Variants in FAM83D observed in about 807,000 individuals in gnomAD.
FAM83D encodes the protein protein FAM83D.
In FAM83D, 26 loss-of-function variants were observed where a neutral mutation model predicts 25.4. The observed-to-expected ratio is 1.02, with a 90% CI of 0.75 to 1.42. The LOEUF is 1.42. Ranked by LOEUF, FAM83D falls within the 40% of genes most tolerant of loss-of-function variation. The probability of loss-of-function intolerance (pLI) is 0.00; values close to 1 mark genes in which losing one functional copy is unlikely to be tolerated. For synonymous variants in FAM83D, 310 were observed against 318.5 expected, an observed-to-expected ratio of 0.97 and a Z score of 0.28; for missense variants, 740 against 758.1, an observed-to-expected ratio of 0.98 and a Z score of 0.28.
chr20:38,939,336 TTTTTG>T (rs149322014), intron 1 of FAM83D, among the ~76,000 whole-genome samples: 20,221 of 151,580 alleles, frequency 0.13, 1,401 homozygotes, highest in Middle Eastern at 0.18. Flanking sequence ...AGACACCTTG[TTTTTG>T]TTTTGTTTTG....
chr20:38,946,250 A>G (rs1176075790), intron 2 of FAM83D, among the ~76,000 whole-genome samples: 1 of 147,630 alleles, frequency 6.8e-6, no homozygotes, highest in Admixed American at 6.8e-5. Context: ...GGTTTGTCTG[A>G]TGTTTTATCA....
chr20:38,945,757 C>A (rs1427051013), intron 2 of FAM83D, among the ~76,000 whole-genome samples: 104 of 139,272 alleles, frequency 7.5e-4, no homozygotes, highest in Admixed American at 2.0e-3. Flanking sequence ...ACCACCCCAC[C>A]CCCCGTTTTT....
intron 1 of FAM83D, among the ~76,000 whole-genome samples, chr20:38,931,423 A>G (rs2085658525): frequency 6.6e-6 from 1 of 152,206 alleles, no homozygotes; most frequent in South Asian, 2.1e-4. Context: ...ATAGAGCCAG[A>G]TAGATGTTTC....
rs2085758488 is a variant in FAM83D at position 38,952,149 on chromosome 20, C to T, written c.1387C>T (p.Pro463Ser). 2 of 1,614,172 alleles carry T rather than the reference C, an allele frequency of 1.2e-6. No homozygotes were observed. Among genetic ancestry groups the T allele is most frequent in the East Asian group, 4.5e-5 (2 of 44,878 alleles). ...PRGTQSTEGS[P>S]VSKMSVSRSS... ...AGGAACTCAATCTACAGAAGGGTCA[C>T]CAGTCTCAAAAATGTCTGTATCGAG... The change falls in exon 4 of 4, where the codon CCA becomes TCA. Residue 463 changes from proline (P) to serine (S), a missense_variant. Around this residue, in one of 3 missense-constraint regions of FAM83D, gnomAD observed 375 missense variants for 403.2 expected, o/e 0.93. Transcript: ENST00000619850.
chr20:38,928,515 G>T (rs1023602558), intron 1 of FAM83D, among the ~76,000 whole-genome samples: 1 of 152,186 alleles, frequency 6.6e-6, no homozygotes, highest in Non-Finnish European at 1.5e-5. Flanking sequence ...AGGCAGACTT[G>T]TGTAGGTATG....
In FAM83D at chr20:38,947,886, T is replaced by G; in HGVS notation, c.662T>G (p.Val221Gly). The change falls in exon 3 of 4, where the codon GTT becomes GGT. Residue 221 changes from valine (V) to glycine (G), a missense_variant. By Grantham distance (109) the Val-to-Gly change is moderately radical. Transcript: ENST00000619850. Reference sequence around the variant, plus strand: ...ACTCCCTGCCAACAGTTAATGACAGTTCGGACTATCACAGGAAATATCTAC... The same window carrying G: ...ACTCCCTGCCAACAGTTAATGACAGGTCGGACTATCACAGGAAATATCTAC... ...VHPEQEKLMT[V>G]RTITGNIYYA... is the part of the protein sequence containing the mutation. 4 of 1,614,132 alleles carry G rather than the reference T, an allele frequency of 2.5e-6. No homozygotes were observed. Among genetic ancestry groups the G allele is most frequent in the Non-Finnish European group, 3.4e-6 (4 of 1,179,992 alleles).
Position 38,926,825 on chromosome 20 carries a change from C to A in FAM83D, c.383C>A (p.Ala128Asp). 1 of 1,535,868 alleles carries A rather than the reference C, an allele frequency of 6.5e-7. No individual in the cohort carries two copies. The highest frequency in any genetic ancestry group is 8.7e-7 in the Non-Finnish European group (1 of 1,146,358). Residue 128 changes from alanine to aspartate, a missense_variant, in exon 1 of 4, where the codon GCC becomes GAC. Ala to Asp is a moderately radical substitution (Grantham distance 126, BLOSUM62 -2). This residue lies in a region of FAM83D where 333 missense variants were observed against 298.6 expected (regional missense o/e 1.12). Coordinates refer to ENST00000619850, the MANE Select transcript of FAM83D (RefSeq NM_030919.3). ...PAFYQGAYRGATRVETHFQPR... is the reference protein window; with the variant it reads ...PAFYQGAYRGDTRVETHFQPR... ...TTCTACCAGGGCGCCTACCGCGGCG[C>A]CACGCGTGTCGAGACGCACTTCCAG...
intron 1 of FAM83D, among the ~76,000 whole-genome samples, chr20:38,939,133 A>G (rs1226612687): frequency 1.3e-5 from 2 of 152,150 alleles, no homozygotes; most frequent in South Asian, 4.2e-4. Flanking sequence ...ATACCCCGTC[A>G]TGCCCTACCT....
chr20:38,942,169 AT>A (rs764243026), intron 2 of FAM83D, 43 bp downstream of exon 2: 65 of 1,600,250 alleles, frequency 4.1e-5, no homozygotes, highest in Non-Finnish European at 5.1e-5. Flanking sequence ...GTCAACAAAT[AT>A]GACCAAGCAT....
intron 1 of FAM83D, among the ~76,000 whole-genome samples, chr20:38,931,294 G>A (rs184049296): frequency 6.6e-6 from 1 of 152,224 alleles, no homozygotes; most frequent in East Asian, 1.9e-4. Context: ...AGGCATTAAG[G>A]CTGGCAGAGA....
chr20:38,947,610 A>G (rs1391313231), intron 2 of FAM83D, among the ~76,000 whole-genome samples: 1 of 152,240 alleles, frequency 6.6e-6, no homozygotes, highest in Admixed American at 6.5e-5. Context: ...GAACACATAC[A>G]CGCATGAACT....
In FAM83D at chr20:38,952,714, T is replaced by G. The variant is rs2085762220; in HGVS notation, c.*194T>G. 1.5e-6 allele frequency: 1 copy of G among 664,040 alleles called. No homozygotes were observed. Among genetic ancestry groups the G allele is most frequent in the Non-Finnish European group, 2.5e-6 (1 of 398,528 alleles). The allele number at this position is 664,040 out of a possible 1,614,324, so 41.1% of individuals were successfully genotyped here. Reference sequence around the variant, plus strand: ...GTCATGTATATACCAGGTATTGGTTTTATGGTTTAAACACTATGGATACAG... The same window carrying G: ...GTCATGTATATACCAGGTATTGGTTGTATGGTTTAAACACTATGGATACAG... On this transcript the variant is annotated 3_prime_UTR_variant, in exon 4 of 4. Coordinates refer to ENST00000619850, the MANE Select transcript of FAM83D (RefSeq NM_030919.3).
Position 38,951,911 on chromosome 20 carries a change from C to A in FAM83D, c.1149C>A (p.Ser383Arg), listed in dbSNP as rs2085756788. ...GCAGCCACAGGGACGAGCTCCAGAG[C>A]AGAAAGGCCATTGACGCTGCCACTC... ...YFSSHRDELQ[S>R]RKAIDAATQT... Residue 383 changes from serine to arginine, a missense_variant, in exon 4 of 4, where the codon AGC becomes AGA. Physicochemically the swap from Ser to Arg is moderately radical, Grantham distance 110. This residue lies in a region of FAM83D where 375 missense variants were observed against 403.2 expected (regional missense o/e 0.93). Transcript: ENST00000619850. 1 of 1,614,144 alleles carries A rather than the reference C, an allele frequency of 6.2e-7. No homozygotes were observed. The highest frequency in any genetic ancestry group is 8.5e-7 in the Non-Finnish European group (1 of 1,180,042).
intron 2 of FAM83D, among the ~76,000 whole-genome samples, chr20:38,947,334 GC>G (rs1249864018): frequency 3.3e-5 from 5 of 152,294 alleles, no homozygotes; most frequent in Admixed American, 6.5e-5. Context: ...GCCTCAGCAG[GC>G]CTGTACTAGA....
At chr20:38,931,063 C>A (rs1305547277) in intron 1 of FAM83D, among the ~76,000 whole-genome samples, 2 of 152,238 alleles carry the variant, frequency 1.3e-5, no homozygotes, top group African/African-American at 4.8e-5. Context: ...AGCCGCTGTG[C>A]CCGGCCACTG....
At chr20:38,946,455 A>G (rs2145807121) in intron 2 of FAM83D, among the ~76,000 whole-genome samples, 1 of 152,288 alleles carries the variant, frequency 6.6e-6, no homozygotes, top group African/African-American at 2.4e-5. Context: ...CTTATGGTAC[A>G]ATGTCAAAAC....
intron 1 of FAM83D, among the ~76,000 whole-genome samples, chr20:38,935,123 G>A (rs2085673504): frequency 6.6e-6 from 1 of 152,150 alleles, no homozygotes; most frequent in South Asian, 2.1e-4. Flanking sequence ...ATCTCAATGG[G>A]GAGGAGGGAC....
At chr20:38,944,107 C>G (rs1387315912) in intron 2 of FAM83D, among the ~76,000 whole-genome samples, 1 of 152,164 alleles carries the variant, frequency 6.6e-6, no homozygotes, top group Admixed American at 6.5e-5. Flanking sequence ...TTGTTCATCA[C>G]CTGTATGAGT....
intron 1 of FAM83D, among the ~76,000 whole-genome samples, chr20:38,935,747 A>G (rs959809060): frequency 1.3e-5 from 2 of 152,216 alleles, no homozygotes; most frequent in African/African-American, 4.8e-5. Context: ...TGCCGGGCCT[A>G]AATTGTTAAT....
Sources: allele counts gnomAD v4.1 joint callset (sites outside exome capture counted in the v4.1 genomes callset), GRCh38; gene constraint gnomAD v4.1.1; regional missense constraint gnomAD v4.1.1; transcripts MANE v1.5; gene names NCBI Gene and HGNC (gene_info 2026-07-23, HGNC 2026-07-21).